KLHL29: variants seen among roughly 807,000 people sequenced by gnomAD.
The protein encoded by KLHL29 is kelch like family member 29.
KLHL29 carries 21 observed loss-of-function variants against 80.4 expected under a neutral mutation model. The ratio of observed to expected loss-of-function variants is 0.26; its 90% confidence interval spans 0.19 to 0.38. The LOEUF is 0.38. KLHL29 is among the 10% of genes least tolerant of loss of function. The probability of loss-of-function intolerance (pLI) is 1.00; values close to 1 mark genes in which losing one functional copy is unlikely to be tolerated. For synonymous variants in KLHL29, 511 were observed against 526.8 expected (o/e 0.97, Z 0.41); for missense variants, 867 against 1,223.9 (o/e 0.71, Z 4.35).
chr2:23,680,861 T>C lies in KLHL29; in HGVS notation c.941-3538T>C, dbSNP rs1249339296. On this transcript the variant is annotated intron_variant, in intron 5 of 13. Transcript: ENST00000486442. The surrounding 1 kb of genome is among the most constrained non-coding windows in gnomAD (Gnocchi z 4.1). ...CCCGCAGAATCCTGGAGCAGGATAG[T>C]GCAGGGTGCCAGGTGCTTCTGGAAG... is the stretch of plus-strand genomic sequence containing the variant. Among the ~76,000 whole-genome samples, 1 of 152,108 alleles carries C rather than the reference T, an allele frequency of 6.6e-6. No individual in the cohort carries two copies. The highest frequency in any genetic ancestry group is 1.5e-5 in the Non-Finnish European group (1 of 68,014).
chr2:23,584,745 T>A (rs191316413), intron 3 of KLHL29, among the ~76,000 whole-genome samples: 1 of 152,260 alleles, frequency 6.6e-6, no homozygotes, highest in East Asian at 1.9e-4. Context: ...TTATTATTAT[T>A]TCTTGTTTTG....
chr2:23,691,655 C>T lies in KLHL29; in HGVS notation c.1080-19C>T. The T allele has an allele frequency of 3.2e-6, 5 of 1,550,606 alleles. No homozygotes were observed. The highest frequency in any genetic ancestry group is 3.5e-6 in the Non-Finnish European group (4 of 1,146,236). On this transcript the variant is annotated intron_variant, in intron 6 of 13. Coordinates refer to ENST00000486442, the MANE Select transcript of KLHL29 (RefSeq NM_052920.2). The stretch of plus-strand genomic sequence containing the variant: ...GGCCGCAGGGCAGGAGGTAAGGACA[C>T]CCTGGTCTCTGTGCCTAGGTCCGTG...
intron 3 of KLHL29, among the ~76,000 whole-genome samples, chr2:23,638,512 C>T (rs570549857): frequency 1.3e-5 from 2 of 152,262 alleles, no homozygotes; most frequent in Admixed American, 6.5e-5. Flanking sequence ...CCACCATCCA[C>T]CTAGGAGCAG....
chr2:23,414,698 A>G (rs538816074), intron 1 of KLHL29, among the ~76,000 whole-genome samples: 6 of 152,322 alleles, frequency 3.9e-5, no homozygotes, highest in African/African-American at 9.6e-5. Flanking sequence ...TCCCTTGACA[A>G]TGGGGGAAGC....
chr2:23,617,474 C>G (rs1470252314), intron 3 of KLHL29: 1 of 152,184 alleles, frequency 6.6e-6, no homozygotes, highest in East Asian at 1.9e-4. Context: ...CTGTCACTGC[C>G]GTAGAAACAG....
rs531403516 is a variant in KLHL29, at chr2:23,629,965, A to G, written c.286-9174A>G. Among the ~76,000 whole-genome samples, 193 of 152,354 alleles carry G rather than the reference A, an allele frequency of 1.3e-3. 2 individuals carry two copies. The highest frequency in any genetic ancestry group is 4.4e-3 in the African/African-American group (184 of 41,596). On this transcript the variant is annotated intron_variant, in intron 3 of 13. Transcript: ENST00000486442. ...GGGAGGAGGCGCTGGGAAGAGGTTT[A>G]GGTCAAGAACCAGGAGAAGCATTGT... is the stretch of plus-strand genomic sequence containing the variant.
chr2:23,572,979 C>T (rs1022449701), intron 3 of KLHL29, among the ~76,000 whole-genome samples: 3 of 152,214 alleles, frequency 2.0e-5, no homozygotes, highest in Admixed American at 6.5e-5. Context: ...TGAGCCACCG[C>T]GCCCGGCCCA....
intron 3 of KLHL29, among the ~76,000 whole-genome samples, chr2:23,625,995 G>A (rs1669298969): frequency 6.6e-6 from 1 of 152,136 alleles, no homozygotes; most frequent in Admixed American, 6.6e-5. Flanking sequence ...CTCCTTGACT[G>A]TGAGGAATGC....
In KLHL29 at chr2:23,656,121, C is replaced by T. The variant is rs1303502533; in HGVS notation, c.940+13271C>T. Among the ~76,000 whole-genome samples the T allele has an allele frequency of 3.9e-5, 6 of 152,212 alleles. No individual in the cohort carries two copies. The East Asian group carries it at 7.7e-4, about 20-fold the overall frequency. ...CATCTGTCCCTCTTCTGGACCCCAG[C>T]GCCTCTTGGAAGAGATTTCTGTGCA... is the stretch of plus-strand genomic sequence containing the variant. On this transcript the variant is annotated intron_variant, in intron 5 of 13. Coordinates refer to ENST00000486442, the MANE Select transcript of KLHL29 (RefSeq NM_052920.2).
chr2:23,532,082 G>A (rs1426034654), intron 2 of KLHL29, among the ~76,000 whole-genome samples: 2 of 152,226 alleles, frequency 1.3e-5, no homozygotes, highest in African/African-American at 4.8e-5. Context: ...TTTCCACTGG[G>A]CCTATTCCAC....
chr2:23,425,175 A>T (rs1173378430), intron 1 of KLHL29, among the ~76,000 whole-genome samples: 1 of 152,250 alleles, frequency 6.6e-6, no homozygotes, highest in Non-Finnish European at 1.5e-5. Flanking sequence ...AAAATATTTA[A>T]CTAAAAATCT....
In KLHL29 at chr2:23,707,469, G is replaced by C. The variant is rs1359892508; in HGVS notation, c.*805G>C. 6.6e-6 allele frequency: 1 copy of C among 152,264 alleles called. No individual in the cohort carries two copies. Among genetic ancestry groups the C allele is most frequent in the Non-Finnish European group, 1.5e-5 (1 of 68,062 alleles). The allele number at this position is 152,264 out of a possible 1,614,324, so 9.4% of individuals were successfully genotyped here. ...GTGGGAATTCCCAAAGCTCTTTGTAGGTAGTGCCAGAGGGGGGCTTTTGCT... is the reference window on the plus strand; with the variant it reads ...GTGGGAATTCCCAAAGCTCTTTGTACGTAGTGCCAGAGGGGGGCTTTTGCT... On this transcript the variant is annotated 3_prime_UTR_variant, in exon 14 of 14. Transcript: ENST00000486442.
rs1664838163 is a variant in KLHL29, at chr2:23,482,861, AT to A, written c.-46+7196del. ...CATTCATTCATTCATTCATTCATTC[AT>A]TCATTCATCCATCACTTACTGGTAG... On this transcript the variant is annotated intron_variant, in intron 2 of 13. Coordinates refer to ENST00000486442, the MANE Select transcript of KLHL29 (RefSeq NM_052920.2). 4.1e-5 allele frequency among the ~76,000 whole-genome samples: 5 copies of A among 122,372 alleles called. No homozygotes were observed. The South Asian group carries it at 8.2e-4, about 20-fold the overall frequency. 80.3% of individuals were successfully genotyped at this position (122,372 alleles called of 152,430 possible).
intron 1 of KLHL29, among the ~76,000 whole-genome samples, chr2:23,450,412 G>A (rs1000429280): frequency 2.0e-5 from 3 of 152,014 alleles, no homozygotes; most frequent in South Asian, 2.1e-4. Flanking sequence ...AGGGCTCTCC[G>A]GTGGCTGTGC....
chr2:23,661,166 C>T (rs1393604610), intron 5 of KLHL29, among the ~76,000 whole-genome samples: 1 of 152,122 alleles, frequency 6.6e-6, no homozygotes, highest in East Asian at 1.9e-4. Flanking sequence ...CATGGCAAGA[C>T]CCCATCTCTA....
intron 5 of KLHL29, among the ~76,000 whole-genome samples, chr2:23,671,638 G>A (rs1038479477): frequency 9.2e-5 from 14 of 152,050 alleles, no homozygotes; most frequent in African/African-American, 2.2e-4. Flanking sequence ...CTGCTCACTC[G>A]GCCTTTTCCC....
intron 5 of KLHL29, among the ~76,000 whole-genome samples, chr2:23,654,460 C>A (rs1418269978): frequency 6.6e-6 from 1 of 152,188 alleles, no homozygotes; most frequent in East Asian, 1.9e-4. Flanking sequence ...AAAATAATTT[C>A]TATATTTTCA....
intron 3 of KLHL29, among the ~76,000 whole-genome samples, chr2:23,628,199 C>T (rs954536917): frequency 2.0e-5 from 3 of 152,070 alleles, no homozygotes; most frequent in Non-Finnish European, 2.9e-5. Context: ...CATGAGCCAC[C>T]GCACCCAGCC....
At chr2:23,530,245 G>C (rs1175935609) in intron 2 of KLHL29, among the ~76,000 whole-genome samples, 1 of 152,160 alleles carries the variant, frequency 6.6e-6, no homozygotes, top group Admixed American at 6.5e-5. Context: ...TCCTCTTCTG[G>C]CCTTGCCATT....
Sources: allele counts gnomAD v4.1 joint callset (sites outside exome capture counted in the v4.1 genomes callset), GRCh38; gene constraint gnomAD v4.1.1; non-coding constraint Gnocchi (gnomAD v3.1); transcripts MANE v1.5; gene names NCBI Gene and HGNC (gene_info 2026-07-23, HGNC 2026-07-21).